The following USP34 variants were observed in gnomAD, a reference collection of about 807,000 sequenced individuals.
USP34 encodes the protein ubiquitin specific peptidase 34.
Under a neutral mutation model 460.3 loss-of-function variants are expected in USP34, and 70 were observed. The observed-to-expected ratio is 0.15, with a 90% CI of 0.13 to 0.19. The LOEUF is 0.19. Ranked by LOEUF, USP34 falls within the 10% of genes least tolerant of loss-of-function variation. USP34 has a pLI of 1.00. For missense variants in USP34, 3,985 were observed against 4,236.2 expected, an observed-to-expected ratio of 0.94 and a Z score of 1.65; for synonymous variants, 1,647 against 1,405.3, an observed-to-expected ratio of 1.17 and a Z score of -3.85.
intron 41 of USP34, among the ~76,000 whole-genome samples, chr2:61,267,312 A>C (rs1689078622): frequency 7.2e-5 from 11 of 152,214 alleles, no homozygotes; most frequent in Admixed American, 7.2e-4. Context: ...GACGTACCAA[A>C]AACAGAAATT....
chr2:61,281,781 A>G (rs957202972), intron 37 of USP34, among the ~76,000 whole-genome samples: 3 of 152,186 alleles, frequency 2.0e-5, no homozygotes, highest in African/African-American at 7.2e-5. Flanking sequence ...ACAGGTAAAT[A>G]CAAAGAATAA....
chr2:61,371,814 C>CT (rs1279690486), intron 8 of USP34, among the ~76,000 whole-genome samples: 2 of 152,058 alleles, frequency 1.3e-5, no homozygotes, highest in East Asian at 3.8e-4. Flanking sequence ...CCTATTTTAT[C>CT]TTTTTTGCAG....
intron 3 of USP34, among the ~76,000 whole-genome samples, chr2:61,402,352 C>T (rs929357276): frequency 6.6e-6 from 1 of 152,032 alleles, no homozygotes; most frequent in Non-Finnish European, 1.5e-5. Context: ...TGTCCAATTA[C>T]CGAACCTTTT....
intron 57 of USP34, among the ~76,000 whole-genome samples, chr2:61,233,182 G>A (rs1208768688): frequency 6.6e-6 from 1 of 151,994 alleles, no homozygotes; most frequent in Non-Finnish European, 1.5e-5. Flanking sequence ...TATGTGATAT[G>A]AGCATGATTA....
chr2:61,271,576 AAGG>A (rs1689215176), intron 41 of USP34, among the ~76,000 whole-genome samples: 1 of 152,304 alleles, frequency 6.6e-6, no homozygotes, highest in African/African-American at 2.4e-5. Context: ...AAGGAGAAGA[AAGG>A]AGGAATGCAA....
At chr2:61,446,927 T>C (rs912630521) in intron 1 of USP34, among the ~76,000 whole-genome samples, 3 of 152,148 alleles carry the variant, frequency 2.0e-5, no homozygotes, top group Non-Finnish European at 4.4e-5. Context: ...ACATCATCTT[T>C]CCAATGTTGA....
chr2:61,451,402 G>A (rs1417774123), intron 1 of USP34, among the ~76,000 whole-genome samples: 1 of 151,062 alleles, frequency 6.6e-6, no homozygotes, highest in Non-Finnish European at 1.5e-5. Context: ...GACAGACATG[G>A]TGCTGGGTGC....
intron 2 of USP34, among the ~76,000 whole-genome samples, chr2:61,419,824 T>C (rs1169602092): frequency 6.6e-6 from 1 of 152,208 alleles, no homozygotes; most frequent in African/African-American, 2.4e-5. Flanking sequence ...AATATTCATC[T>C]AGTCCATCCC....
chr2:61,193,365 T>TAAAAAAAAAAAAAAAAA lies in USP34; in HGVS notation c.9509-402_9509-386dup, dbSNP rs577314106. Reference sequence around the variant, plus strand: ...ACTGCAGGAGGGAGGAGGGGAAAGGTAAAAAAAAAAAAAAAAAAAAAAAAG... The same window carrying TAAAAAAAAAAAAAAAAA: ...ACTGCAGGAGGGAGGAGGGGAAAGGTAAAAAAAAAAAAAAAAAAAAAAAAAAAAAAAAAAAAAAAAAG... On this transcript the variant is annotated intron_variant, in intron 75 of 79. Coordinates refer to ENST00000398571, the MANE Select transcript of USP34 (RefSeq NM_014709.4). 10 of 97,232 alleles carry TAAAAAAAAAAAAAAAAA rather than the reference T, an allele frequency of 1.0e-4. 1 individual carries two copies. Among genetic ancestry groups the TAAAAAAAAAAAAAAAAA allele is most frequent in the African/African-American group, 3.8e-4 (10 of 26,644 alleles). 6.0% of individuals were successfully genotyped at this position (97,232 alleles called of 1,614,324 possible).
At chr2:61,267,606 C>T (rs1329314687) in intron 41 of USP34, among the ~76,000 whole-genome samples, 1 of 151,662 alleles carries the variant, frequency 6.6e-6, no homozygotes, top group African/African-American at 2.4e-5. Context: ...CTACACCCAG[C>T]TAATTTTTTG....
intron 6 of USP34, among the ~76,000 whole-genome samples, chr2:61,381,202 A>AT (rs1223098262): frequency 6.2e-5 from 9 of 144,410 alleles, no homozygotes; most frequent in South Asian, 2.1e-4. Context: ...AGAATGATCA[A>AT]TAAAAAAAAA....
intron 62 of USP34, among the ~76,000 whole-genome samples, chr2:61,224,621 G>C (rs560397015): frequency 2.0e-5 from 3 of 152,232 alleles, no homozygotes; most frequent in East Asian, 1.9e-4. Flanking sequence ...AAGTATACTT[G>C]CAAGTAGAAT....
chr2:61,438,077 T>C (rs938101206), intron 1 of USP34, among the ~76,000 whole-genome samples: 1 of 152,028 alleles, frequency 6.6e-6, no homozygotes, highest in African/African-American at 2.4e-5. Flanking sequence ...GCCAGTGTCC[T>C]TGATAAACAT....
At chr2:61,301,882 T>C (rs1690236964) in intron 27 of USP34, among the ~76,000 whole-genome samples, 1 of 152,100 alleles carries the variant, frequency 6.6e-6, no homozygotes, top group South Asian at 2.1e-4. Flanking sequence ...CTCCTTTATC[T>C]TTCTTTAAAG....
At chr2:61,399,580 G>A (rs973868271) in intron 3 of USP34, among the ~76,000 whole-genome samples, 14 of 151,700 alleles carry the variant, frequency 9.2e-5, no homozygotes, top group African/African-American at 2.9e-4. Flanking sequence ...ATTAAAAGAC[G>A]AATTAACGGT....
Position 61,405,846 on chromosome 2 carries a change from T to C in USP34, c.414A>G (p.Glu138=), listed in dbSNP as rs779079181. 1.1e-5 allele frequency: 18 copies of C among 1,613,924 alleles called. No homozygotes were observed. The highest frequency in any genetic ancestry group is 1.4e-5 in the Non-Finnish European group (17 of 1,179,958). The change falls in exon 3 of 80, where the codon GAA becomes GAG. Residue 138 remains glutamate, a synonymous_variant. Transcript: ENST00000398571. ...TAAAAGGATCAGAACTCTTTGAAGA[T>C]TCCTCCTCAGTCAGATTACAAATTC... ...STRICNLTEE[E]SSKSSDPFSL...
chr2:61,188,392 T>C lies in USP34; in HGVS notation c.10351A>G (p.Lys3451Glu), dbSNP rs1421650993. 5 of 1,614,076 alleles carry C rather than the reference T, an allele frequency of 3.1e-6. No individual in the cohort carries two copies. In the Admixed American group the frequency reaches 8.3e-5, roughly 27 times the overall value. ...NGRYDDCKEF[K>E]DLHCSKDSTL... ...GAATCCTTGGAACAGTGGAGGTCTT[T>C]AAATTCTTTACAATCGTCATATCTA... is the stretch of plus-strand genomic sequence containing the variant. Residue 3451 changes from lysine to glutamate, a missense_variant, in exon 80 of 80, where the codon AAA becomes GAA. Transcript: ENST00000398571.
Position 61,321,466 on chromosome 2 carries a change from G to A in USP34, c.3014-2139C>T, listed in dbSNP as rs567345394. Among the ~76,000 whole-genome samples, 28 of 152,180 alleles carry A rather than the reference G, an allele frequency of 1.8e-4. No individual in the cohort carries two copies. The East Asian group carries it at 3.5e-3, about 19-fold the overall frequency. On this transcript the variant is annotated intron_variant, in intron 21 of 79. Coordinates refer to ENST00000398571, the MANE Select transcript of USP34 (RefSeq NM_014709.4). The stretch of plus-strand genomic sequence containing the variant: ...CAGCCTGGTGACAGAGTAAGACTCC[G>A]TCTCAAAACAAAAAACAAAACAAAA...
chr2:61,191,619 G>A (rs115291663), intron 76 of USP34, among the ~76,000 whole-genome samples: 1 of 152,136 alleles, frequency 6.6e-6, no homozygotes, highest in African/African-American at 2.4e-5. Flanking sequence ...AGCTTTGGAG[G>A]CCTTATATGG....
Sources: allele counts gnomAD v4.1 joint callset (sites outside exome capture counted in the v4.1 genomes callset), GRCh38; gene constraint gnomAD v4.1.1; transcripts MANE v1.5; gene names NCBI Gene and HGNC (gene_info 2026-07-23, HGNC 2026-07-21).